TRIM28: variants seen among roughly 807,000 people sequenced by gnomAD.
TRIM28 encodes tripartite motif containing 28.
In TRIM28, 8 loss-of-function variants were observed where a neutral mutation model predicts 87.4. The observed-to-expected ratio is 0.09, with a 90% CI of 0.05 to 0.17. TRIM28 has a LOEUF of 0.17. TRIM28 is among the 10% of genes least tolerant of loss of function. The probability of loss-of-function intolerance (pLI) is 1.00; values close to 1 mark genes in which losing one functional copy is unlikely to be tolerated. For missense variants in TRIM28, 968 were observed against 1,131.8 expected (o/e 0.86, Z 2.08); for synonymous variants, 601 against 454.3 (o/e 1.32, Z -4.11).
At position 58,549,054 on chromosome 19, in the gene TRIM28, C is replaced by G. The variant is rs767539057; in HGVS notation, c.1476C>G (p.Arg492=). 1.5e-5 allele frequency: 25 copies of G among 1,613,948 alleles called. No individual in the cohort carries two copies. Among genetic ancestry groups the G allele is most frequent in the Non-Finnish European group, 2.0e-5 (24 of 1,180,000 alleles). Residue 492 remains arginine, a synonymous_variant, in exon 12 of 17, where the codon CGC becomes CGG. Transcript: ENST00000253024. The surrounding 1 kb of genome is among the most constrained non-coding windows in gnomAD (Gnocchi z 4.4). Reference sequence around the variant, plus strand: ...AGGTGCCACGAGTGAGCCTTGAACGCCTGGACCTGGACCTCACAGCTGACA... The same window carrying G: ...AGGTGCCACGAGTGAGCCTTGAACGGCTGGACCTGGACCTCACAGCTGACA... The part of the protein sequence containing the change: ...MRKVPRVSLE[R]LDLDLTADSQ...
rs2053788784 is a variant in TRIM28 at position 58,549,077 on chromosome 19, A to G, written c.1499A>G (p.Asp500Gly). The change falls in exon 12 of 17, where the codon GAC (aspartate) becomes GGC (glycine). Residue 500 changes from aspartate to glycine, a missense_variant. Asp to Gly is a moderately conservative substitution (Grantham distance 94). Transcript: ENST00000253024. The surrounding 1 kb of genome is among the most constrained non-coding windows in gnomAD (Gnocchi z 4.4). ...CGCCTGGACCTGGACCTCACAGCTGACAGCCAGCCACCCGTCTTCAAGGTC... is the reference window on the plus strand; with the variant it reads ...CGCCTGGACCTGGACCTCACAGCTGGCAGCCAGCCACCCGTCTTCAAGGTC... ...LERLDLDLTA[D>G]SQPPVFKVFP... The G allele has an allele frequency of 6.2e-7, 1 of 1,614,086 alleles. No homozygotes were observed. Among genetic ancestry groups the G allele is most frequent in the Non-Finnish European group, 8.5e-7 (1 of 1,179,996 alleles).
chr19:58,550,618 CCCCTGGTGGCCTGACTCCCACT>C lies in TRIM28; in HGVS notation c.*77_*98del, dbSNP rs1568663936. 35 of 1,506,170 alleles carry C rather than the reference CCCCTGGTGGCCTGACTCCCACT, an allele frequency of 2.3e-5. No individual in the cohort carries two copies. The South Asian group carries it at 3.4e-4, about 14-fold the overall frequency. The allele number at this position is 1,506,170 out of a possible 1,614,324, so 93.3% of individuals were successfully genotyped here. On this transcript the variant is annotated 3_prime_UTR_variant, in exon 17 of 17. Transcript: ENST00000253024. Reference sequence around the variant, plus strand: ...TCTGTCCTGTCACCCCATCCCCACTCCCCTGGTGGCCTGACTCCCACTCCCTGGTGGCCCCATCCCCCAGTTC... The same window carrying C: ...TCTGTCCTGTCACCCCATCCCCACTCCCCTGGTGGCCCCATCCCCCAGTTC...
chr19:58,545,679 T>A (rs1297335004), intron 2 of TRIM28, 85 bp from the exon 3 acceptor site: 1 of 1,562,840 alleles, frequency 6.4e-7, no homozygotes, highest in Non-Finnish European at 8.7e-7. Context: ...GGGACCAATC[T>A]TAAATCTCCG....
chr19:58,549,373 A>G lies in TRIM28; in HGVS notation c.1705A>G (p.Thr569Ala), dbSNP rs746823369. ...TGCCATTGGAGCCCCTCCTACTGCC[A>G]CTGAGGGCCCTGAGACCAAACCTGT... is the stretch of plus-strand genomic sequence containing the variant. Reference protein sequence around the residue: ...EAAIGAPPTATEGPETKPVLM... With the variant: ...EAAIGAPPTAAEGPETKPVLM... Residue 569 changes from threonine (T) to alanine (A), a missense_variant, in exon 13 of 17, where the codon ACT (threonine) becomes GCT (alanine). Physicochemically the swap from Thr to Ala is moderately conservative, Grantham distance 58 (BLOSUM62 0). This residue lies in a region of TRIM28 where 164 missense variants were observed against 146.2 expected (regional missense o/e 1.12). Coordinates refer to ENST00000253024, the MANE Select transcript of TRIM28 (RefSeq NM_005762.3). The surrounding 1 kb of genome is among the most constrained non-coding windows in gnomAD (Gnocchi z 4.4). 6.4e-7 allele frequency: 1 copy of G among 1,573,814 alleles called. No homozygotes were observed. Among genetic ancestry groups the G allele is most frequent in the Non-Finnish European group, 8.6e-7 (1 of 1,156,662 alleles).
At chr19:58,548,830 A>G in intron 10 of TRIM28, 32 bp from the exon 11 acceptor site, 1 of 1,614,076 alleles carries the variant, frequency 6.2e-7, no homozygotes, top group Middle Eastern at 1.6e-4. Flanking sequence ...TTTCTACCCC[A>G]ACCTGCCAGT....
chr19:58,546,189 G>A (rs1412487409), intron 3 of TRIM28, among the ~76,000 whole-genome samples: 1 of 152,142 alleles, frequency 6.6e-6, no homozygotes, highest in Non-Finnish European at 1.5e-5. Context: ...GGTGGTGAAG[G>A]GCTCAGCATA....
rs755084672 is a variant in TRIM28, at chr19:58,549,529, C to T, written c.1861C>T (p.Leu621=). Residue 621 remains leucine, a synonymous_variant, in exon 13 of 17, where the codon CTG becomes TTG. Coordinates refer to ENST00000253024, the MANE Select transcript of TRIM28 (RefSeq NM_005762.3). The surrounding 1 kb of genome is among the most constrained non-coding windows in gnomAD (Gnocchi z 4.4). ...AGCCCCAGGTGGTGGCCCGGGAACC[C>T]TGGATGACAGTGCCACCATTTGCCG... The part of the protein sequence containing the change: ...TSAPGGGPGT[L]DDSATICRVC... The T allele has an allele frequency of 1.6e-5, 26 of 1,613,958 alleles. No homozygotes were observed. The highest frequency in any genetic ancestry group is 1.9e-5 in the Non-Finnish European group (22 of 1,180,020).
chr19:58,547,434 A>G lies in TRIM28; in HGVS notation c.645A>G (p.Glu215=), dbSNP rs1252986550. 6.2e-7 allele frequency: 1 copy of G among 1,613,718 alleles called. No individual in the cohort carries two copies. The change falls in exon 4 of 17, where the codon GAA becomes GAG. Residue 215 remains glutamate, a synonymous_variant. Coordinates refer to ENST00000253024, the MANE Select transcript of TRIM28 (RefSeq NM_005762.3). ...RTVYCNVHKH[E]PLVLFCESCD... is the part of the protein sequence containing the mutation. ...TCTATTGCAACGTACACAAGCATGA[A>G]CCCCTTGTGCTGTTTTGTGAGAGCT...
rs1428993379 is a variant in TRIM28, at chr19:58,550,175, C to T, written c.2222C>T (p.Thr741Ile). 1 of 1,613,862 alleles carries T rather than the reference C, an allele frequency of 6.2e-7. No homozygotes were observed. Among genetic ancestry groups the T allele is most frequent in the Non-Finnish European group, 8.5e-7 (1 of 1,180,002 alleles). Residue 741 changes from threonine (T) to isoleucine (I), a missense_variant, in exon 16 of 17, where the codon ACC becomes ATC. Physicochemically the swap from Thr to Ile is moderately conservative, Grantham distance 89. This residue lies in a region of TRIM28 where 192 missense variants were observed against 225.6 expected (regional missense o/e 0.85). Coordinates refer to ENST00000253024, the MANE Select transcript of TRIM28 (RefSeq NM_005762.3). ...LDQPGGTLDL[T>I]LIRARLQEKL... ...CAGCCCGGTGGCACCCTGGATCTGA[C>T]CCTGATCCGTGCCCGCCTCCAGGAG...
chr19:58,545,134 C>G, intron 1 of TRIM28, 37 bp downstream of exon 1: 2 of 1,385,322 alleles, frequency 1.4e-6, no homozygotes. Context: ...CCTCCCCCTA[C>G]TCTCTGCCTT....
chr19:58,549,928 C>A lies in TRIM28; in HGVS notation c.2107-21C>A, dbSNP rs199524604. The stretch of plus-strand genomic sequence containing the variant: ...TTATAGGTGCTGCCCAGAGCTGTGA[C>A]ATCCCTTACAATGTTTGTAGAAATG... On this transcript the variant is annotated intron_variant, in intron 14 of 16. Coordinates refer to ENST00000253024, the MANE Select transcript of TRIM28 (RefSeq NM_005762.3). The surrounding 1 kb of genome is among the most constrained non-coding windows in gnomAD (Gnocchi z 4.4). 6.2e-7 allele frequency: 1 copy of A among 1,614,042 alleles called. No individual in the cohort carries two copies. The highest frequency in any genetic ancestry group is 1.1e-5 in the South Asian group (1 of 91,072).
In TRIM28 at chr19:58,549,247, C is replaced by T. The variant is rs557374665; in HGVS notation, c.1662+7C>T. On this transcript the variant is annotated splice_region_variant and intron_variant, in intron 12 of 16. Transcript: ENST00000253024. The surrounding 1 kb of genome is among the most constrained non-coding windows in gnomAD (Gnocchi z 4.4). ...TGGCATGGCCATTGTCAAGGTAAGC[C>T]TGTCCCAAGGAACTATAGCTGTAGG... is the stretch of plus-strand genomic sequence containing the variant. The T allele has an allele frequency of 5.0e-6, 8 of 1,611,908 alleles. No individual in the cohort carries two copies. The highest frequency in any genetic ancestry group is 1.6e-4 in the Middle Eastern group (1 of 6,072).
intron 3 of TRIM28, among the ~76,000 whole-genome samples, chr19:58,546,217 A>G (rs1424929644): frequency 6.6e-6 from 1 of 152,156 alleles, no homozygotes; most frequent in African/African-American, 2.4e-5. Flanking sequence ...AGGGAAAGGC[A>G]TGGTGTGAAG....
At chr19:58,548,697 G>A (rs779105605) in intron 9 of TRIM28, 43 bp from the exon 10 acceptor site, 3 of 1,611,944 alleles carry the variant, frequency 1.9e-6, no homozygotes, top group Non-Finnish European at 2.5e-6. Flanking sequence ...GGTCCAGTAG[G>A]GTTCCTGTCC....
intron 1 of TRIM28, 141 bp downstream of exon 1, chr19:58,545,238 C>G: frequency 1.1e-6 from 1 of 940,964 alleles, no homozygotes; most frequent in Non-Finnish European, 1.6e-6. Context: ...GTCCTGCATA[C>G]GAACGTGGGT....
Position 58,548,568 on chromosome 19 carries a change from C to A in TRIM28, c.1299C>A (p.Ser433Arg), listed in dbSNP as rs960873556. ...CTCCAAGAGCCCCAGGGCCCCTGAGCAAGCAGGGCTCTGGCAGCAGCCAGG... is the reference window on the plus strand; with the variant it reads ...CTCCAAGAGCCCCAGGGCCCCTGAGAAAGCAGGGCTCTGGCAGCAGCCAGG... ...MAPPRAPGPL[S>R]KQGSGSSQPM... The change falls in exon 9 of 17, where the codon AGC becomes AGA. Residue 433 changes from serine to arginine, a missense_variant. This residue lies in a region of TRIM28 where 119 missense variants were observed against 93.6 expected (regional missense o/e 1.27). Coordinates refer to ENST00000253024, the MANE Select transcript of TRIM28 (RefSeq NM_005762.3). The A allele has an allele frequency of 6.8e-6, 11 of 1,612,912 alleles. No individual in the cohort carries two copies. The highest frequency in any genetic ancestry group is 8.5e-6 in the Non-Finnish European group (10 of 1,179,764).
intron 1 of TRIM28, 38 bp downstream of exon 1, chr19:58,545,135 T>A: frequency 7.2e-7 from 1 of 1,383,042 alleles, no homozygotes; most frequent in Non-Finnish European, 9.4e-7. Context: ...CTCCCCCTAC[T>A]CTCTGCCTTT....
At chr19:58,548,264 C>T (rs752655760) in intron 7 of TRIM28, 30 bp from the exon 8 acceptor site, 9 of 1,613,928 alleles carry the variant, frequency 5.6e-6, no homozygotes, top group Non-Finnish European at 7.6e-6. Context: ...TTGGTGTGCT[C>T]ATTCTTTCCT....
intron 3 of TRIM28, 143 bp from the exon 4 acceptor site, chr19:58,547,233 C>A: frequency 9.3e-7 from 1 of 1,074,990 alleles, no homozygotes; most frequent in Non-Finnish European, 1.3e-6. Flanking sequence ...GGCCTGTGTT[C>A]TTCCCTGGCC....
Sources: allele counts gnomAD v4.1 joint callset (sites outside exome capture counted in the v4.1 genomes callset), GRCh38; gene constraint gnomAD v4.1.1; regional missense constraint gnomAD v4.1.1; non-coding constraint Gnocchi (gnomAD v3.1); transcripts MANE v1.5; gene names NCBI Gene and HGNC (gene_info 2026-07-23, HGNC 2026-07-21).